NAALADL2: variants seen among roughly 807,000 people sequenced by gnomAD.
NAALADL2 encodes inactive N-acetylated-alpha-linked acidic dipeptidase-like protein 2.
NAALADL2 carries 76 observed loss-of-function variants against 87.2 expected under a neutral mutation model. That is an observed-to-expected ratio of 0.87 (90% CI 0.72 to 1.05). The LOEUF (loss-of-function observed/expected upper bound fraction) is 1.05. NAALADL2 is among the 50% of genes least tolerant of loss of function. The pLI, the probability that NAALADL2 is intolerant of heterozygous loss-of-function variation, is 0.00. For synonymous variants in NAALADL2, 354 were observed against 331.0 expected, an observed-to-expected ratio of 1.07 and a Z score of -0.75; for missense variants, 1,089 against 945.8, an observed-to-expected ratio of 1.15 and a Z score of -1.99.
At chr3:174,831,422 A>G (rs34645930) in intron 3 of NAALADL2, among the ~76,000 whole-genome samples, 47,845 of 123,990 alleles carry the variant, frequency 0.39, 11,845 homozygotes, top group African/African-American at 0.51. Flanking sequence ...ATTGATTTGC[A>G]TATATTGAAC....
At chr3:175,629,067 A>G (rs1482079783) in intron 11 of NAALADL2, among the ~76,000 whole-genome samples, 2 of 150,126 alleles carry the variant, frequency 1.3e-5, no homozygotes, top group African/African-American at 2.4e-5. Flanking sequence ...AGAAGTGCAC[A>G]CAAAACACCT....
At chr3:174,895,478 G>A (rs777885671) in intron 1 of NAALADL2, among the ~76,000 whole-genome samples, 4 of 151,902 alleles carry the variant, frequency 2.6e-5, no homozygotes, top group Admixed American at 6.6e-5. Flanking sequence ...GATTGAACTG[G>A]GAAGAAATCC....
At chr3:175,339,726 A>G (rs1229700596) in intron 5 of NAALADL2, among the ~76,000 whole-genome samples, 1 of 152,212 alleles carries the variant, frequency 6.6e-6, no homozygotes, top group East Asian at 1.9e-4. Flanking sequence ...CAGAGGACTC[A>G]TGGATACCCT....
chr3:174,495,625 G>A (rs1329160357), intron 1 of NAALADL2, among the ~76,000 whole-genome samples: 2 of 152,106 alleles, frequency 1.3e-5, no homozygotes, highest in African/African-American at 4.8e-5. Flanking sequence ...CTTTCCCAAC[G>A]AAGGGCAATG....
chr3:175,328,858 A>G (rs1463132730), intron 5 of NAALADL2, among the ~76,000 whole-genome samples: 1 of 152,266 alleles, frequency 6.6e-6, no homozygotes, highest in Non-Finnish European at 1.5e-5. Context: ...AGCATAAAAA[A>G]TAAGAAAGTA....
chr3:175,244,751 C>T (rs1051317063), intron 3 of NAALADL2, among the ~76,000 whole-genome samples: 6 of 152,166 alleles, frequency 3.9e-5, no homozygotes, highest in African/African-American at 1.4e-4. Flanking sequence ...CATGGCTTCT[C>T]ATCATTTGGA....
At chr3:174,989,598 TA>T in intron 1 of NAALADL2, among the ~76,000 whole-genome samples, 1 of 152,220 alleles carries the variant, frequency 6.6e-6, no homozygotes, top group African/African-American at 2.4e-5. Context: ...AATGAGCTCT[TA>T]AAAATATTAA....
chr3:174,491,931 C>T (rs1424405387), intron 1 of NAALADL2, among the ~76,000 whole-genome samples: 4 of 152,038 alleles, frequency 2.6e-5, no homozygotes, highest in African/African-American at 4.8e-5. Flanking sequence ...TTCTCTTGCT[C>T]TTGATGTATT....
intron 2 of NAALADL2, among the ~76,000 whole-genome samples, chr3:175,121,750 C>A (rs1337093600): frequency 6.6e-6 from 1 of 151,782 alleles, no homozygotes; most frequent in Non-Finnish European, 1.5e-5. Flanking sequence ...GCCAAGATAC[C>A]CCCAGATTCA....
At chr3:175,706,700 T>A (rs530815635) in intron 11 of NAALADL2, among the ~76,000 whole-genome samples, 23 of 152,264 alleles carry the variant, frequency 1.5e-4, no homozygotes, top group Admixed American at 5.2e-4. Context: ...TAGAACACAT[T>A]GATACATTAG....
At chr3:175,460,907 A>G (rs1262679621) in intron 6 of NAALADL2, among the ~76,000 whole-genome samples, 1 of 152,150 alleles carries the variant, frequency 6.6e-6, no homozygotes, top group Admixed American at 6.5e-5. Context: ...GTGGAAAGTG[A>G]CCCAAGCAGG....
intron 9 of NAALADL2, among the ~76,000 whole-genome samples, chr3:175,541,561 TC>T (rs1157093545): frequency 6.6e-6 from 1 of 152,196 alleles, no homozygotes; most frequent in Non-Finnish European, 1.5e-5. Context: ...TCTACTGAAT[TC>T]ATATCACTTT....
At chr3:175,463,316 T>C in intron 6 of NAALADL2, 85 bp from the exon 7 acceptor site, 2 of 792,202 alleles carry the variant, frequency 2.5e-6, no homozygotes, top group Non-Finnish European at 3.9e-6. Flanking sequence ...CTTTTGCTGA[T>C]GATATTGGAT....
At chr3:174,920,766 CTAAGTT>C (rs1415856441) in intron 1 of NAALADL2, among the ~76,000 whole-genome samples, 2 of 152,160 alleles carry the variant, frequency 1.3e-5, no homozygotes, top group African/African-American at 4.8e-5. Context: ...GCTTTCCTCA[CTAAGTT>C]TAATCATCTG....
intron 9 of NAALADL2, among the ~76,000 whole-genome samples, chr3:175,564,482 C>G (rs1716791113): frequency 6.6e-6 from 1 of 151,958 alleles, no homozygotes. Flanking sequence ...TAATGCCTGG[C>G]AGCTGGAATA....
chr3:174,903,409 C>A (rs1407106603), intron 1 of NAALADL2, among the ~76,000 whole-genome samples: 4 of 151,836 alleles, frequency 2.6e-5, no homozygotes, highest in Non-Finnish European at 5.9e-5. Flanking sequence ...CTTACTCTGC[C>A]CTTATAAGGA....
At chr3:175,433,099 C>T (rs1459959786) in intron 5 of NAALADL2, among the ~76,000 whole-genome samples, 1 of 151,998 alleles carries the variant, frequency 6.6e-6, no homozygotes, top group African/African-American at 2.4e-5. Flanking sequence ...AGTCGTCTCC[C>T]AGCTCTTCTG....
chr3:174,942,094 A>G (rs1401274078), intron 1 of NAALADL2, among the ~76,000 whole-genome samples: 2 of 151,764 alleles, frequency 1.3e-5, no homozygotes, highest in Non-Finnish European at 2.9e-5. Context: ...TATAGTGACA[A>G]TGGTCTGTGT....
intron 1 of NAALADL2, among the ~76,000 whole-genome samples, chr3:174,876,653 A>C (rs951523815): frequency 6.6e-6 from 1 of 152,156 alleles, no homozygotes; most frequent in Non-Finnish European, 1.5e-5. Flanking sequence ...ACCACCAGCA[A>C]TTCCACAGAC....
Sources: allele counts gnomAD v4.1 joint callset (sites outside exome capture counted in the v4.1 genomes callset), GRCh38; gene constraint gnomAD v4.1.1; transcripts MANE v1.5; gene names NCBI Gene and HGNC (gene_info 2026-07-23, HGNC 2026-07-21).